Variants in ZBTB20 observed in about 807,000 individuals in gnomAD.
ZBTB20 encodes zinc finger and BTB domain-containing protein 20.
In ZBTB20, 9 loss-of-function variants were observed where a neutral mutation model predicts 56.9. The observed-to-expected ratio is 0.16, with a 90% CI of 0.10 to 0.28. The LOEUF (loss-of-function observed/expected upper bound fraction) is 0.28, where lower values mean the gene tolerates loss of function less well. ZBTB20 is among the 10% of genes least tolerant of loss of function. ZBTB20 has a pLI of 1.00. For synonymous variants in ZBTB20, 417 were observed against 420.7 expected (o/e 0.99, Z 0.11); for missense variants, 655 against 1,003.0 (o/e 0.65, Z 4.69).
chr3:114,741,548 T>C (rs2066576607), intron 5 of ZBTB20, among the ~76,000 whole-genome samples: 1 of 152,106 alleles, frequency 6.6e-6, no homozygotes, highest in African/African-American at 2.4e-5. Context: ...TAAAAATTTG[T>C]TACCTACTCA....
At chr3:114,636,290 A>T (rs920302545) in intron 6 of ZBTB20, among the ~76,000 whole-genome samples, 1 of 152,118 alleles carries the variant, frequency 6.6e-6, no homozygotes, top group Non-Finnish European at 1.5e-5. Context: ...AATGCTACAG[A>T]AAGTTCTTTA....
intron 6 of ZBTB20, among the ~76,000 whole-genome samples, chr3:114,523,150 C>T (rs542050075): frequency 7.9e-5 from 12 of 152,232 alleles, no homozygotes; most frequent in South Asian, 2.1e-4. Flanking sequence ...GTGGACTGAA[C>T]GCCAAGCGAA....
At chr3:114,638,016 A>C (rs757656892) in intron 6 of ZBTB20, among the ~76,000 whole-genome samples, 20 of 151,982 alleles carry the variant, frequency 1.3e-4, no homozygotes, top group Admixed American at 7.2e-4. Context: ...GCAGACCTCT[A>C]TTTTGTGCAG....
chr3:114,750,410 G>C (rs1322354171), intron 5 of ZBTB20, among the ~76,000 whole-genome samples: 1 of 152,056 alleles, frequency 6.6e-6, no homozygotes, highest in Non-Finnish European at 1.5e-5. Flanking sequence ...AAAGCAATAG[G>C]TAAAGAAATA....
chr3:114,939,509 GT>G (rs1423011404), intron 3 of ZBTB20, among the ~76,000 whole-genome samples: 2 of 146,192 alleles, frequency 1.4e-5, no homozygotes, highest in Non-Finnish European at 2.9e-5. Flanking sequence ...GTAATAGGAA[GT>G]TTTTTTGCAT....
chr3:114,759,988 G>A (rs879644720), intron 5 of ZBTB20, among the ~76,000 whole-genome samples: 4 of 151,866 alleles, frequency 2.6e-5, no homozygotes, highest in Non-Finnish European at 4.4e-5. Context: ...AGTAATGCTC[G>A]GGGTAAAAAA....
intron 2 of ZBTB20, among the ~76,000 whole-genome samples, chr3:115,041,174 C>A: frequency 6.6e-6 from 1 of 152,210 alleles, no homozygotes; most frequent in South Asian, 2.1e-4. Flanking sequence ...AGTTGCCATT[C>A]GTCTTTAAAT....
chr3:115,014,954 G>A (rs1204459544), intron 2 of ZBTB20, among the ~76,000 whole-genome samples: 2 of 151,758 alleles, frequency 1.3e-5, no homozygotes, highest in Admixed American at 1.3e-4. Flanking sequence ...AAAAGGCTAA[G>A]AAAAGCTATT....
chr3:115,029,648 T>C (rs2080581957), intron 2 of ZBTB20, among the ~76,000 whole-genome samples: 1 of 150,614 alleles, frequency 6.6e-6, no homozygotes, highest in African/African-American at 2.4e-5. Flanking sequence ...AAAACATAGA[T>C]TTTTTTTCAA....
rs1397242841 is a variant in ZBTB20 at position 114,988,240 on chromosome 3, T to TCCCTCCC, written c.-506-13831_-506-13825dup. ...TAGGTATATCTCCTAATGCTACCCC[T>TCCCTCCC]CCCTCCCCCCTCCCCCAACCCCATG... On this transcript the variant is annotated intron_variant, in intron 2 of 11. Transcript: ENST00000675478. 4.1e-5 allele frequency among the ~76,000 whole-genome samples: 4 copies of TCCCTCCC among 96,568 alleles called. No individual in the cohort carries two copies. The East Asian group carries it at 1.4e-3, about 33-fold the overall frequency. 63.4% of individuals were successfully genotyped at this position (96,568 alleles called of 152,430 possible). A position where few individuals can be genotyped will look rare whatever the true frequency, so the allele number is the denominator to read the frequency against.
intron 7 of ZBTB20, among the ~76,000 whole-genome samples, chr3:114,401,975 G>C (rs772021061): frequency 3.5e-4 from 53 of 152,136 alleles, no homozygotes; most frequent in Non-Finnish European, 6.2e-4. Flanking sequence ...TGTATTTTTT[G>C]AGTGTGCATT....
intron 7 of ZBTB20, among the ~76,000 whole-genome samples, chr3:114,436,314 C>T (rs2718430): frequency 0.22 from 33,766 of 151,974 alleles, 4,039 homozygotes; most frequent in Middle Eastern, 0.32. Flanking sequence ...TAGGAGTTCC[C>T]GTATCAGACA....
At chr3:114,852,408 C>G (rs1175776126) in intron 4 of ZBTB20, among the ~76,000 whole-genome samples, 1 of 151,810 alleles carries the variant, frequency 6.6e-6, no homozygotes, top group Non-Finnish European at 1.5e-5. Flanking sequence ...GGATTACAGG[C>G]GCCCACCACC....
At chr3:114,783,590 T>C (rs753069316) in intron 5 of ZBTB20, among the ~76,000 whole-genome samples, 27 of 151,794 alleles carry the variant, frequency 1.8e-4, no homozygotes, top group Non-Finnish European at 3.4e-4. Flanking sequence ...GGTCACGAGA[T>C]CGAGACCAGC....
At chr3:114,827,290 C>A (rs890986266) in intron 4 of ZBTB20, among the ~76,000 whole-genome samples, 1 of 151,558 alleles carries the variant, frequency 6.6e-6, no homozygotes, top group Non-Finnish European at 1.5e-5. Flanking sequence ...ACCTGCTACC[C>A]CTGACCTCGA....
intron 5 of ZBTB20, among the ~76,000 whole-genome samples, chr3:114,717,779 C>T (rs2064595898): frequency 1.3e-5 from 2 of 152,082 alleles, no homozygotes; most frequent in Non-Finnish European, 2.9e-5. Flanking sequence ...TCTACCATAT[C>T]TACTGTTGCC....
intron 6 of ZBTB20, among the ~76,000 whole-genome samples, chr3:114,509,830 T>G (rs2045126935): frequency 6.6e-6 from 1 of 152,168 alleles, no homozygotes; most frequent in Non-Finnish European, 1.5e-5. Flanking sequence ...AATATCTTTC[T>G]GCCCTAGAAA....
chr3:115,013,499 G>A (rs2079809817), intron 2 of ZBTB20, among the ~76,000 whole-genome samples: 1 of 151,576 alleles, frequency 6.6e-6, no homozygotes, highest in Non-Finnish European at 1.5e-5. Context: ...TCCAAAACCT[G>A]AGCAGACCAA....
intron 4 of ZBTB20, among the ~76,000 whole-genome samples, chr3:114,865,938 T>C (rs192152902): frequency 1.6e-4 from 25 of 152,296 alleles, no homozygotes; most frequent in Admixed American, 1.4e-3. Context: ...GTGAATGAGA[T>C]AGCCAAGATT....
Sources: allele counts gnomAD v4.1 joint callset (sites outside exome capture counted in the v4.1 genomes callset), GRCh38; gene constraint gnomAD v4.1.1; transcripts MANE v1.5; gene names NCBI Gene and HGNC (gene_info 2026-07-23, HGNC 2026-07-21).